MCUB: variants seen among roughly 807,000 people sequenced by gnomAD.
MCUB encodes the protein mitochondrial calcium uniporter dominant negative subunit beta, also known as calcium uniporter regulatory subunit MCUb, mitochondrial.
In MCUB, 46 loss-of-function variants were observed where a neutral mutation model predicts 41.4. The ratio of observed to expected loss-of-function variants is 1.11; its 90% confidence interval spans 0.88 to 1.42. The LOEUF (loss-of-function observed/expected upper bound fraction) is 1.42. Among genes scored for constraint, MCUB ranks in the 40% most tolerant of loss-of-function variants. The probability of loss-of-function intolerance (pLI) is 0.00; values close to 1 mark genes in which losing one functional copy is unlikely to be tolerated. For synonymous variants in MCUB, 148 were observed against 148.2 expected (o/e 1.00, Z 0.01); for missense variants, 403 against 404.9 (o/e 1.00, Z 0.04).
At chr4:109,656,102 A>G (rs563861380) in intron 1 of MCUB, among the ~76,000 whole-genome samples, 1 of 152,248 alleles carries the variant, frequency 6.6e-6, no homozygotes, top group Non-Finnish European at 1.5e-5. Flanking sequence ...AGTATATTAA[A>G]TGATACTTTG....
intron 1 of MCUB, among the ~76,000 whole-genome samples, chr4:109,638,946 A>G (rs1728654749): frequency 6.6e-6 from 1 of 152,114 alleles, no homozygotes; most frequent in South Asian, 2.1e-4. Context: ...TTCTCTTGCT[A>G]TTTTTACCAT....
chr4:109,567,417 A>G (rs532421614), intron 1 of MCUB, among the ~76,000 whole-genome samples: 1 of 152,130 alleles, frequency 6.6e-6, no homozygotes, highest in Non-Finnish European at 1.5e-5. Flanking sequence ...TGTTATGTAC[A>G]AACATAGTAT....
chr4:109,656,235 G>A (rs1729096010), intron 1 of MCUB, among the ~76,000 whole-genome samples: 1 of 151,844 alleles, frequency 6.6e-6, no homozygotes, highest in Non-Finnish European at 1.5e-5. Context: ...GAATTTGGTA[G>A]GTAACGTGTA....
intron 1 of MCUB, among the ~76,000 whole-genome samples, chr4:109,632,339 G>A (rs549938488): frequency 6.6e-6 from 1 of 151,962 alleles, no homozygotes; most frequent in African/African-American, 2.4e-5. Context: ...GTAAAATCTT[G>A]CTTTTTTCAA....
chr4:109,631,821 C>T (rs1728480761), intron 1 of MCUB, among the ~76,000 whole-genome samples: 2 of 152,168 alleles, frequency 1.3e-5, no homozygotes, highest in Admixed American at 6.5e-5. Flanking sequence ...CACAGATCAA[C>T]TTAAGCAGCA....
intron 4 of MCUB, chr4:109,681,371 C>A: frequency 5.0e-6 from 2 of 402,998 alleles, no homozygotes; most frequent in Admixed American, 2.8e-5. Flanking sequence ...TCCTCTGGTG[C>A]AGTCTCCAAG....
chr4:109,686,314 T>C (rs1200437317), intron 7 of MCUB, among the ~76,000 whole-genome samples: 2 of 152,132 alleles, frequency 1.3e-5, no homozygotes, highest in African/African-American at 2.4e-5. Context: ...ACTTTTTGTA[T>C]TTTTAGTAGA....
At chr4:109,569,421 G>A (rs905800247) in intron 1 of MCUB, among the ~76,000 whole-genome samples, 3 of 151,534 alleles carry the variant, frequency 2.0e-5, no homozygotes, top group African/African-American at 7.3e-5. Flanking sequence ...ATTTTTAAAG[G>A]GCATAATTAA....
At chr4:109,581,772 G>GA in intron 1 of MCUB, among the ~76,000 whole-genome samples, 1 of 152,146 alleles carries the variant, frequency 6.6e-6, no homozygotes, top group Non-Finnish European at 1.5e-5. Context: ...AAAAACACAT[G>GA]AAAAAATGCT....
chr4:109,581,821 A>T lies in MCUB; in HGVS notation c.99+21385A>T, dbSNP rs537034839. Among the ~76,000 whole-genome samples the T allele has an allele frequency of 1.5e-4, 23 of 152,364 alleles. No homozygotes were observed. In the East Asian group the frequency reaches 4.4e-3, roughly 29 times the overall value. ...CATCAGAGAAATGGAAATCAAAACC[A>T]CAGTGAGATACCATCTCACACCAGT... On this transcript the variant is annotated intron_variant, in intron 1 of 7. Transcript: ENST00000394650.
At chr4:109,679,183 C>T (rs1382984032) in intron 4 of MCUB, among the ~76,000 whole-genome samples, 3 of 151,448 alleles carry the variant, frequency 2.0e-5, no homozygotes, top group African/African-American at 4.9e-5. Flanking sequence ...TGGGCAGAGG[C>T]ACTCCTCACA....
Position 109,650,641 on chromosome 4 carries a change from C to G in MCUB, c.100-8370C>G, listed in dbSNP as rs1728941525. Among the ~76,000 whole-genome samples the G allele has an allele frequency of 2.6e-5, 4 of 152,160 alleles. No individual in the cohort carries two copies. The South Asian group carries it at 8.3e-4, about 31-fold the overall frequency. On this transcript the variant is annotated intron_variant, in intron 1 of 7. Transcript: ENST00000394650. ...TGCCAGTTCCCCTGAAACATAAGAA[C>G]ATTCTCCAACTTAATGACAAACAAC...
At chr4:109,629,529 T>G (rs1728430239) in intron 1 of MCUB, among the ~76,000 whole-genome samples, 6 of 152,192 alleles carry the variant, frequency 3.9e-5, no homozygotes, top group African/African-American at 1.2e-4. Flanking sequence ...TAGCTTCCCA[T>G]GATAATCTAA....
chr4:109,687,509 T>C lies in MCUB; in HGVS notation c.934-6T>C, dbSNP rs1375628132. 3 of 1,605,088 alleles carry C rather than the reference T, an allele frequency of 1.9e-6. No homozygotes were observed. Among genetic ancestry groups the C allele is most frequent in the South Asian group, 2.2e-5 (2 of 90,202 alleles). ...GATCACATGCTTTTTCTTTTTCCCA[T>C]GACAGGCTAAAGAATCCCTGAAACA... On this transcript the variant is annotated splice_polypyrimidine_tract_variant and splice_region_variant and intron_variant, in intron 7 of 7. Transcript: ENST00000394650.
At chr4:109,655,275 T>C (rs2084039962) in intron 1 of MCUB, among the ~76,000 whole-genome samples, 1 of 152,184 alleles carries the variant, frequency 6.6e-6, no homozygotes. Flanking sequence ...AGTTGGATTA[T>C]GTCACCCTCC....
At chr4:109,667,621 A>G (rs760877027) in intron 4 of MCUB, among the ~76,000 whole-genome samples, 1 of 150,438 alleles carries the variant, frequency 6.6e-6, no homozygotes, top group Non-Finnish European at 1.5e-5. Flanking sequence ...AATAGAATAT[A>G]TATTATGTAG....
intron 1 of MCUB, among the ~76,000 whole-genome samples, chr4:109,635,442 G>A (rs1256932280): frequency 4.6e-5 from 7 of 152,112 alleles, no homozygotes; most frequent in African/African-American, 7.2e-5. Flanking sequence ...CAACATAGCC[G>A]CCCCCACATA....
chr4:109,668,450 C>T (rs1297346729), intron 4 of MCUB, among the ~76,000 whole-genome samples: 2 of 151,986 alleles, frequency 1.3e-5, no homozygotes, highest in Admixed American at 1.3e-4. Context: ...ATTAATATAG[C>T]TATTTCAGCT....
chr4:109,590,008 A>G (rs1727395342), intron 1 of MCUB, among the ~76,000 whole-genome samples: 1 of 152,220 alleles, frequency 6.6e-6, no homozygotes, highest in Non-Finnish European at 1.5e-5. Context: ...TCTAGTGGTA[A>G]GCTCTCTACG....
Sources: gnomAD v4.1 joint callset for allele counts (sites outside exome capture counted in the v4.1 genomes callset) on GRCh38, gnomAD v4.1.1 for gene constraint, MANE v1.5 for transcripts, NCBI Gene and HGNC (gene_info 2026-07-23, HGNC 2026-07-21) for gene names.